Variants in GNA15 observed in about 807,000 individuals in gnomAD.
GNA15 encodes the protein guanine nucleotide-binding protein subunit alpha-15.
GNA15 carries 23 observed loss-of-function variants against 40.1 expected under a neutral mutation model. The observed-to-expected ratio is 0.57, with a 90% CI of 0.41 to 0.81. The LOEUF (loss-of-function observed/expected upper bound fraction) is 0.81. GNA15 is among the 40% of genes least tolerant of loss of function. The pLI is 0.00. For synonymous variants in GNA15, 226 were observed against 210.4 expected, an observed-to-expected ratio of 1.07 and a Z score of -0.64; for missense variants, 522 against 515.8, an observed-to-expected ratio of 1.01 and a Z score of -0.12.
chr19:3,163,597 C>G lies in GNA15; in HGVS notation c.*578C>G, dbSNP rs1038465489. ...CGGTGGCTCACAGCGTGTCCTGCCC[C>G]GGTTTGCGGACGAGAGAAATCGCGG... On this transcript the variant is annotated 3_prime_UTR_variant, in exon 7 of 7. Coordinates refer to ENST00000262958, the MANE Select transcript of GNA15 (RefSeq NM_002068.4). 6.5e-6 allele frequency: 1 copy of G among 153,052 alleles called. No individual in the cohort carries two copies. The highest frequency in any genetic ancestry group is 6.5e-5 in the Admixed American group (1 of 15,360). 9.5% of individuals were successfully genotyped at this position (153,052 alleles called of 1,614,324 possible). A position where few individuals can be genotyped will look rare whatever the true frequency, so the allele number is the denominator to read the frequency against.
In GNA15 at chr19:3,148,723, T is replaced by C. The variant is rs373914616; in HGVS notation, c.278T>C (p.Met93Thr). The C allele has an allele frequency of 9.4e-5, 151 of 1,603,946 alleles. No individual in the cohort carries two copies. The highest frequency in any genetic ancestry group is 1.3e-4 in the Non-Finnish European group (147 of 1,175,814). The change falls in exon 2 of 7, where the codon ATG (methionine) becomes ACG (threonine). Residue 93 changes from methionine to threonine, a missense_variant. Physicochemically the swap from Met to Thr is moderately conservative, Grantham distance 81. Transcript: ENST00000262958. ...YQNIFVSMRAMIEAMERLQIP... is the reference protein window; with the variant it reads ...YQNIFVSMRATIEAMERLQIP... ...AACATCTTCGTGTCCATGCGGGCCA[T>C]GATCGAGGCCATGGAGCGGCTGCAG...
chr19:3,138,939 C>CTTT (rs35552360), intron 1 of GNA15, among the ~76,000 whole-genome samples: 69 of 105,598 alleles, frequency 6.5e-4, no homozygotes, highest in African/African-American at 9.7e-4. Context: ...CGCCCAGCCT[C>CTTT]TTTTTTTTTT....
Position 3,163,101 on chromosome 19 carries a change from C to G in GNA15, c.*82C>G. On this transcript the variant is annotated 3_prime_UTR_variant, in exon 7 of 7. Transcript: ENST00000262958. ...TGCAGGGACCCCTAGTGTCCCTGGT[C>G]TATCTCTCCAGCCTCGGCCCACACG... is the stretch of plus-strand genomic sequence containing the variant. 1.1e-6 allele frequency: 1 copy of G among 871,368 alleles called. No individual in the cohort carries two copies. The highest frequency in any genetic ancestry group is 1.9e-6 in the Non-Finnish European group (1 of 527,968). 54.0% of individuals were successfully genotyped at this position (871,368 alleles called of 1,614,324 possible).
rs1915181473 is a variant in GNA15 at position 3,163,202 on chromosome 19, G to C, written c.*183G>C. On this transcript the variant is annotated 3_prime_UTR_variant, in exon 7 of 7. Transcript: ENST00000262958. ...CTCTCACCAGGACAGCCGCCCCCCA[G>C]GGTACTCCTGCCCTTGCTTGACTCA... 4 of 597,186 alleles carry C rather than the reference G, an allele frequency of 6.7e-6. No individual in the cohort carries two copies. The highest frequency in any genetic ancestry group is 6.0e-5 in the South Asian group (3 of 50,112). The allele number at this position is 597,186 out of a possible 1,614,324, so 37.0% of individuals were successfully genotyped here.
In GNA15 at chr19:3,163,262, C is replaced by T; in HGVS notation, c.*243C>T. 2 of 548,426 alleles carry T rather than the reference C, an allele frequency of 3.6e-6. No individual in the cohort carries two copies. Among genetic ancestry groups the T allele is most frequent in the South Asian group, 4.4e-5 (2 of 45,428 alleles). 34.0% of individuals were successfully genotyped at this position (548,426 alleles called of 1,614,324 possible). ...CTTTGAAAGGGAAGGAGCAAAACGG[C>T]CATTTGGGATGCCAGGGTGGATGAA... On this transcript the variant is annotated 3_prime_UTR_variant, in exon 7 of 7. Coordinates refer to ENST00000262958, the MANE Select transcript of GNA15 (RefSeq NM_002068.4).
intron 6 of GNA15, among the ~76,000 whole-genome samples, chr19:3,159,064 G>A (rs1409409326): frequency 6.6e-6 from 1 of 151,592 alleles, no homozygotes; most frequent in Non-Finnish European, 1.5e-5. Flanking sequence ...TCGCTCTGCT[G>A]CCCAGGCTGG....
At chr19:3,138,127 G>A (rs950288493) in intron 1 of GNA15, among the ~76,000 whole-genome samples, 1 of 151,276 alleles carries the variant, frequency 6.6e-6, no homozygotes, top group Non-Finnish European at 1.5e-5. Context: ...TTAGCCGGGT[G>A]TGGTGGCATG....
rs1172913906 is a variant in GNA15, at chr19:3,151,227, G to A, written c.486-480G>A. 6.6e-6 allele frequency among the ~76,000 whole-genome samples: 1 copy of A among 151,742 alleles called. No homozygotes were observed. The highest frequency in any genetic ancestry group is 2.4e-5 in the African/African-American group (1 of 41,286). The stretch of plus-strand genomic sequence containing the variant: ...TCTGGGGGGACCCTGTTCCTGGAGT[G>A]ACCCTGTTCCTGGGGGGACCCTGTT... On this transcript the variant is annotated intron_variant, in intron 3 of 6. Transcript: ENST00000262958. The surrounding 1 kb of genome is among the most constrained non-coding windows in gnomAD (Gnocchi z 5.0).
In GNA15 at chr19:3,150,158, G is replaced by A; in HGVS notation, c.358G>A (p.Asp120Asn). The A allele has an allele frequency of 6.2e-7, 1 of 1,613,500 alleles. No individual in the cohort carries two copies. Among genetic ancestry groups the A allele is most frequent in the Non-Finnish European group, 8.5e-7 (1 of 1,179,956 alleles). ...CCACGCTAGCCTGGTCATGAGCCAG[G>A]ACCCCTATAAAGTGACCACGTTTGA... ...KHHASLVMSQ[D>N]PYKVTTFEKR... The change falls in exon 3 of 7, where the codon GAC becomes AAC. Residue 120 changes from aspartate (D) to asparagine (N), a missense_variant. Physicochemically the swap from Asp to Asn is conservative, Grantham distance 23 (BLOSUM62 1). Transcript: ENST00000262958.
chr19:3,136,541 A>T lies in GNA15; in HGVS notation c.91A>T (p.Ile31Phe). Residue 31 changes from isoleucine to phenylalanine, a missense_variant, in exon 1 of 7, where the codon ATC becomes TTC. Coordinates refer to ENST00000262958, the MANE Select transcript of GNA15 (RefSeq NM_002068.4). The surrounding 1 kb of genome is among the most constrained non-coding windows in gnomAD (Gnocchi z 4.9). ...AARVDQEINRILLEQKKQDRG... is the reference protein window; with the variant it reads ...AARVDQEINRFLLEQKKQDRG... Reference sequence around the variant, plus strand: ...CCGGGTGGACCAGGAGATCAACAGGATCCTCTTGGAGCAGAAGAAGCAGGA... The same window carrying T: ...CCGGGTGGACCAGGAGATCAACAGGTTCCTCTTGGAGCAGAAGAAGCAGGA... 6.4e-7 allele frequency: 1 copy of T among 1,569,678 alleles called. No homozygotes were observed. Among genetic ancestry groups the T allele is most frequent in the South Asian group, 1.2e-5 (1 of 85,532 alleles).
intron 1 of GNA15, among the ~76,000 whole-genome samples, chr19:3,139,707 G>C (rs1192564587): frequency 6.6e-6 from 1 of 151,924 alleles, no homozygotes; most frequent in Non-Finnish European, 1.5e-5. Flanking sequence ...AGAACATCCT[G>C]GCTAACACGA....
At chr19:3,152,158 G>C (rs1373707719) in intron 4 of GNA15, among the ~76,000 whole-genome samples, 1 of 152,178 alleles carries the variant, frequency 6.6e-6, no homozygotes, top group Non-Finnish European at 1.5e-5. Flanking sequence ...GGAGGAAATA[G>C]AGACTATACA....
At chr19:3,158,749 G>A (rs1236499518) in intron 6 of GNA15, among the ~76,000 whole-genome samples, 1 of 152,004 alleles carries the variant, frequency 6.6e-6, no homozygotes, top group Non-Finnish European at 1.5e-5. Context: ...AGCCTCCCAA[G>A]TAGCTGTGAT....
In GNA15 at chr19:3,157,819, C is replaced by A; in HGVS notation, c.836C>A (p.Thr279Asn). The A allele has an allele frequency of 1.2e-6, 2 of 1,613,690 alleles. No individual in the cohort carries two copies. Among genetic ancestry groups the A allele is most frequent in the Non-Finnish European group, 1.7e-6 (2 of 1,179,564 alleles). The change falls in exon 6 of 7, where the codon ACC becomes AAC. Residue 279 changes from threonine to asparagine, a missense_variant. By Grantham distance (65) the Thr-to-Asn change is moderately conservative. Transcript: ENST00000262958. ...TCCGTCATCCTCTTTCTCAACAAAACCGACATCCTGGAGGAGAAAATCCCC... is the reference window on the plus strand; with the variant it reads ...TCCGTCATCCTCTTTCTCAACAAAAACGACATCCTGGAGGAGAAAATCCCC... ...STSVILFLNK[T>N]DILEEKIPTS...
chr19:3,149,151 A>T (rs948918895), intron 2 of GNA15: 2 of 221,256 alleles, frequency 9.0e-6, no homozygotes, highest in South Asian at 6.8e-5. Flanking sequence ...GCACACAAGG[A>T]TCCATGCAGA....
At chr19:3,160,458 C>T (rs1915116937) in intron 6 of GNA15, among the ~76,000 whole-genome samples, 1 of 152,218 alleles carries the variant, frequency 6.6e-6, no homozygotes, top group Non-Finnish European at 1.5e-5. Context: ...AGCTGCTTCT[C>T]ATGATAGCCT....
Position 3,155,769 on chromosome 19 carries a change from G to T in GNA15, c.615-54G>T. 4.4e-6 allele frequency: 7 copies of T among 1,588,728 alleles called. No homozygotes were observed. Among genetic ancestry groups the T allele is most frequent in the Non-Finnish European group, 5.1e-6 (6 of 1,170,118 alleles). ...ATCCCAGACGTGATGGGGGTTGGGG[G>T]TGTCACGGAGCAGGCTCCTGAGCTC... On this transcript the variant is annotated intron_variant, in intron 4 of 6. Coordinates refer to ENST00000262958, the MANE Select transcript of GNA15 (RefSeq NM_002068.4). This position sits in a 1 kb window ranked among gnomAD's most constrained non-coding sequence, Gnocchi z 5.6.
chr19:3,143,848 C>T (rs1682797), intron 1 of GNA15, among the ~76,000 whole-genome samples: 71,653 of 151,110 alleles, frequency 0.47, 17,469 homozygotes, highest in African/African-American at 0.56. Context: ...TGGCCAGGCG[C>T]AGTGGCTCAC....
Position 3,139,070 on chromosome 19 carries a change from T to C in GNA15, c.145+2475T>C, listed in dbSNP as rs1485037827. 1.3e-5 allele frequency among the ~76,000 whole-genome samples: 2 copies of C among 151,300 alleles called. 1 individual carries two copies. Among genetic ancestry groups the C allele is most frequent in the South Asian group, 4.2e-4 (2 of 4,770 alleles). Reference sequence around the variant, plus strand: ...AAGTGATTCTCCTGCCTCAGTCTCCTGAGCAGCTGGGACTACTGGTGCGCA... The same window carrying C: ...AAGTGATTCTCCTGCCTCAGTCTCCCGAGCAGCTGGGACTACTGGTGCGCA... On this transcript the variant is annotated intron_variant, in intron 1 of 6. Transcript: ENST00000262958.
Sources: allele counts gnomAD v4.1 joint callset (sites outside exome capture counted in the v4.1 genomes callset), GRCh38; gene constraint gnomAD v4.1.1; non-coding constraint Gnocchi (gnomAD v3.1); transcripts MANE v1.5; gene names NCBI Gene and HGNC (gene_info 2026-07-23, HGNC 2026-07-21).